Variants in NUMB observed in about 807,000 individuals in gnomAD.
NUMB encodes protein numb homolog.
A neutral mutation model predicts 59.7 loss-of-function variants in NUMB; 29 were observed. The ratio of observed to expected loss-of-function variants is 0.49; its 90% CI spans 0.36 to 0.66. NUMB has a LOEUF of 0.66. NUMB is among the 30% of genes least tolerant of loss of function. The pLI is 0.00. For missense variants in NUMB, 723 were observed against 822.0 expected (o/e 0.88, Z 1.47); for synonymous variants, 288 against 288.2 (o/e 1.00, Z 0.01).
At position 73,275,583 on chromosome 14, in the gene NUMB, A is replaced by T. The variant is rs749010227; in HGVS notation, c.*995T>A. ...TACCTTAGTGTTAAAGGATTAACAT[A>T]AGGAAACTGCAGCAATATATAAAAG... On this transcript the variant is annotated 3_prime_UTR_variant, in exon 13 of 13. Transcript: ENST00000555238. 1 of 152,228 alleles carries T rather than the reference A, an allele frequency of 6.6e-6. No individual in the cohort carries two copies. Among genetic ancestry groups the T allele is most frequent in the Non-Finnish European group, 1.5e-5 (1 of 68,044 alleles). 9.4% of individuals were successfully genotyped at this position (152,228 alleles called of 1,614,324 possible).
chr14:73,300,042 A>G (rs545623729), intron 6 of NUMB, among the ~76,000 whole-genome samples: 10 of 150,978 alleles, frequency 6.6e-5, no homozygotes, highest in Non-Finnish European at 1.5e-4. Flanking sequence ...AGTAGCCATT[A>G]TCATCATTAT....
rs908079155 is a variant in NUMB, at chr14:73,290,915, A to G, written c.450+1819T>C. Among the ~76,000 whole-genome samples the G allele has an allele frequency of 2.0e-5, 3 of 152,220 alleles. 1 individual carries two copies. Among genetic ancestry groups the G allele is most frequent in the Non-Finnish European group, 4.4e-5 (3 of 68,038 alleles). On this transcript the variant is annotated intron_variant, in intron 8 of 12. Coordinates refer to ENST00000555238, the MANE Select transcript of NUMB (RefSeq NM_001005743.2). Reference sequence around the variant, plus strand: ...TTCGGATTTGAAATGCTCAACTTATAGTAAAATCATTGTCATTTAAAAGAG... The same window carrying G: ...TTCGGATTTGAAATGCTCAACTTATGGTAAAATCATTGTCATTTAAAAGAG...
chr14:73,373,961 C>T lies in NUMB; in HGVS notation c.-100-6980G>A, dbSNP rs144652333. On this transcript the variant is annotated intron_variant, in intron 2 of 12. Transcript: ENST00000555238. ...TCGGCTCACTTCAACTTCCACCTCC[C>T]GGGTTCAAGCGATTCTCCAGCCTCA... Among the ~76,000 whole-genome samples, 1,055 of 150,940 alleles carry T rather than the reference C, an allele frequency of 7.0e-3. 6 individuals carry two copies. Among genetic ancestry groups the T allele is most frequent in the South Asian group, 0.03 (144 of 4,746 alleles).
chr14:73,367,352 G>T (rs200283341), intron 2 of NUMB, among the ~76,000 whole-genome samples: 209 of 112,106 alleles, frequency 1.9e-3, no homozygotes, highest in East Asian at 7.3e-3. Context: ...TATATATAGA[G>T]AGAGAGAGAG....
At chr14:73,453,234 G>C (rs181567341) in intron 1 of NUMB, among the ~76,000 whole-genome samples, 2 of 152,308 alleles carry the variant, frequency 1.3e-5, no homozygotes, top group Admixed American at 1.3e-4. Flanking sequence ...CTGGGTTCAA[G>C]TGATTCTCCT....
At chr14:73,307,571 G>C (rs897926749) in intron 6 of NUMB, among the ~76,000 whole-genome samples, 4 of 152,072 alleles carry the variant, frequency 2.6e-5, no homozygotes, top group Non-Finnish European at 4.4e-5. Context: ...GGCTGGAACA[G>C]AGGGAGCAAG....
intron 4 of NUMB, among the ~76,000 whole-genome samples, chr14:73,331,339 A>G (rs1891963570): frequency 6.6e-6 from 1 of 152,038 alleles, no homozygotes; most frequent in Non-Finnish European, 1.5e-5. Flanking sequence ...ATGTCAGGAG[A>G]TCAAGACCAT....
intron 1 of NUMB, among the ~76,000 whole-genome samples, chr14:73,439,846 T>C (rs1348383835): frequency 6.6e-6 from 1 of 152,196 alleles, no homozygotes; most frequent in Non-Finnish European, 1.5e-5. Flanking sequence ...CCCTGATTTC[T>C]ATTTAATGGC....
intron 2 of NUMB, among the ~76,000 whole-genome samples, chr14:73,369,665 T>C (rs537161643): frequency 1.6e-4 from 24 of 152,322 alleles, no homozygotes; most frequent in African/African-American, 5.5e-4. Flanking sequence ...ATGCATTTTA[T>C]GAGAAACACA....
chr14:73,365,988 C>T (rs532789009), intron 3 of NUMB, among the ~76,000 whole-genome samples: 6 of 152,306 alleles, frequency 3.9e-5, no homozygotes, highest in African/African-American at 7.2e-5. Context: ...AGTGATAAAA[C>T]GCTGCCAACA....
intron 1 of NUMB, among the ~76,000 whole-genome samples, chr14:73,441,430 G>C (rs1329941476): frequency 6.6e-6 from 1 of 152,070 alleles, no homozygotes; most frequent in Non-Finnish European, 1.5e-5. Context: ...CGCCTCAGCT[G>C]AGAGGCTGAG....
intron 2 of NUMB, among the ~76,000 whole-genome samples, chr14:73,400,979 G>A (rs1896382797): frequency 6.6e-6 from 1 of 152,178 alleles, no homozygotes; most frequent in Non-Finnish European, 1.5e-5. Context: ...ACCAAAAGAG[G>A]GAGCTGTGGT....
chr14:73,326,282 A>G (rs1270989999), intron 4 of NUMB, among the ~76,000 whole-genome samples: 1 of 152,124 alleles, frequency 6.6e-6, no homozygotes, highest in East Asian at 1.9e-4. Context: ...ATACACACAG[A>G]ATAGATCAGA....
At chr14:73,386,605 C>G (rs1895535878) in intron 2 of NUMB, among the ~76,000 whole-genome samples, 1 of 152,138 alleles carries the variant, frequency 6.6e-6, no homozygotes, top group Admixed American at 6.6e-5. Context: ...CTCCCTTAGG[C>G]TCCTGATTGC....
At chr14:73,387,867 A>G (rs1308304303) in intron 2 of NUMB, among the ~76,000 whole-genome samples, 2 of 151,330 alleles carry the variant, frequency 1.3e-5, no homozygotes, top group African/African-American at 2.4e-5. Context: ...GCTCACACCT[A>G]TAATTCTAGG....
At chr14:73,302,339 G>T (rs527764956) in intron 6 of NUMB, among the ~76,000 whole-genome samples, 2 of 151,546 alleles carry the variant, frequency 1.3e-5, no homozygotes, top group African/African-American at 4.8e-5. Context: ...GATTAGAGAT[G>T]CCTATAGCTG....
At position 73,313,749 on chromosome 14, in the gene NUMB, G is replaced by A. The variant is rs79198335; in HGVS notation, c.234+2641C>T. Among the ~76,000 whole-genome samples the A allele has an allele frequency of 7.1e-3, 1,054 of 148,104 alleles. 17 individuals are homozygous for A. The highest frequency in any genetic ancestry group is 0.025 in the African/African-American group (1,010 of 40,574). On this transcript the variant is annotated intron_variant, in intron 6 of 12. Coordinates refer to ENST00000555238, the MANE Select transcript of NUMB (RefSeq NM_001005743.2). ...ATAAGGGATGCTCAACATGCAGTAG[G>A]ACTTAAATATTTCCAAATAAATAAA... is the stretch of plus-strand genomic sequence containing the variant.
intron 1 of NUMB, among the ~76,000 whole-genome samples, chr14:73,433,937 T>TA (rs565081807): frequency 1.3e-3 from 201 of 152,054 alleles, no homozygotes; most frequent in Non-Finnish European, 2.0e-3. Context: ...CTACTAAAAA[T>TA]ACAAAATTAG....
chr14:73,407,998 C>T (rs563597655), intron 2 of NUMB, among the ~76,000 whole-genome samples: 2 of 152,168 alleles, frequency 1.3e-5, no homozygotes, highest in Admixed American at 6.5e-5. Flanking sequence ...GAGGCCGAGG[C>T]GGGCAGATCA....
Sources: allele counts gnomAD v4.1 joint callset (sites outside exome capture counted in the v4.1 genomes callset), GRCh38; gene constraint gnomAD v4.1.1; transcripts MANE v1.5; gene names NCBI Gene and HGNC (gene_info 2026-07-23, HGNC 2026-07-21).